The following NPAS3 variants were observed in gnomAD, a reference collection of about 807,000 sequenced individuals.
NPAS3 encodes the protein neuronal PAS domain protein 3, also known as neuronal PAS domain-containing protein 3.
In NPAS3, 14 loss-of-function variants were observed where a neutral mutation model predicts 73.1. The ratio of observed to expected loss-of-function variants is 0.19; its 90% CI spans 0.13 to 0.30. NPAS3 has a LOEUF of 0.30. Ranked by LOEUF, NPAS3 falls within the 10% of genes least tolerant of loss-of-function variation. The pLI is 1.00. For synonymous variants in NPAS3, 620 were observed against 541.5 expected (o/e 1.14, Z -2.01); for missense variants, 1,096 against 1,250.0 (o/e 0.88, Z 1.86).
chr14:33,211,110 G>A (rs1477656633), intron 2 of NPAS3, among the ~76,000 whole-genome samples: 2 of 152,220 alleles, frequency 1.3e-5, no homozygotes, highest in South Asian at 2.1e-4. Flanking sequence ...ATTTAAAAAA[G>A]ACTCATTTAA....
chr14:33,799,311 A>G (rs984512633), intron 11 of NPAS3, among the ~76,000 whole-genome samples: 3 of 152,180 alleles, frequency 2.0e-5, no homozygotes, highest in Non-Finnish European at 2.9e-5. Context: ...CTTGCATGCC[A>G]TCATTTTTCT....
At chr14:33,521,126 G>C (rs531690168) in intron 4 of NPAS3, among the ~76,000 whole-genome samples, 1 of 152,148 alleles carries the variant, frequency 6.6e-6, no homozygotes, top group African/African-American at 2.4e-5. Context: ...TTATATTTGT[G>C]TCTATTAAGT....
chr14:33,570,350 G>A (rs2056152262), intron 5 of NPAS3, among the ~76,000 whole-genome samples: 1 of 152,068 alleles, frequency 6.6e-6, no homozygotes, highest in East Asian at 1.9e-4. Flanking sequence ...AGTTGTCCAG[G>A]GTCACTTCAG....
At chr14:33,283,366 T>C (rs1405850761) in intron 3 of NPAS3, among the ~76,000 whole-genome samples, 2 of 152,252 alleles carry the variant, frequency 1.3e-5, no homozygotes, top group East Asian at 3.8e-4. Context: ...AGAATTTCTA[T>C]GATATAGGCG....
At chr14:33,108,983 G>A (rs2042807545) in intron 2 of NPAS3, among the ~76,000 whole-genome samples, 1 of 152,088 alleles carries the variant, frequency 6.6e-6, no homozygotes, top group Non-Finnish European at 1.5e-5. Context: ...TTTTTTATGT[G>A]TTTGTGAAGA....
intron 2 of NPAS3, among the ~76,000 whole-genome samples, chr14:33,149,087 G>A (rs2044352965): frequency 3.9e-5 from 6 of 152,178 alleles, no homozygotes. Context: ...TTCTGACACA[G>A]TATATAAATA....
At chr14:33,526,829 A>G (rs924662904) in intron 4 of NPAS3, among the ~76,000 whole-genome samples, 2 of 152,088 alleles carry the variant, frequency 1.3e-5, no homozygotes, top group African/African-American at 4.8e-5. Context: ...GCCAGGCAGT[A>G]GGAGGGTTGC....
intron 3 of NPAS3, among the ~76,000 whole-genome samples, chr14:33,318,754 T>C (rs1332277716): frequency 6.6e-6 from 1 of 152,130 alleles, no homozygotes; most frequent in Non-Finnish European, 1.5e-5. Context: ...ACATCCTTAA[T>C]AGTTAAATTA....
chr14:33,305,226 TA>T (rs2042709634), intron 3 of NPAS3, among the ~76,000 whole-genome samples: 1 of 152,108 alleles, frequency 6.6e-6, no homozygotes, highest in Admixed American at 6.5e-5. Context: ...ATAATATAAT[TA>T]TTTTTCACTA....
chr14:33,292,832 T>C (rs1450061406), intron 3 of NPAS3, among the ~76,000 whole-genome samples: 1 of 152,178 alleles, frequency 6.6e-6, no homozygotes, highest in Non-Finnish European at 1.5e-5. Context: ...TCTTGTGGAA[T>C]GTATTTTGTT....
At chr14:33,628,992 G>A (rs547445052) in intron 5 of NPAS3, among the ~76,000 whole-genome samples, 185 of 152,212 alleles carry the variant, frequency 1.2e-3, no homozygotes, top group African/African-American at 4.4e-3. Flanking sequence ...AGCACTTTGG[G>A]AGGCTGAGGC....
chr14:33,196,418 A>G (rs1370127801), intron 2 of NPAS3, among the ~76,000 whole-genome samples: 1 of 152,254 alleles, frequency 6.6e-6, no homozygotes, highest in Non-Finnish European at 1.5e-5. Context: ...GAGGGGAAGC[A>G]AACTCTACTT....
intron 4 of NPAS3, among the ~76,000 whole-genome samples, chr14:33,372,999 A>C (rs1304007080): frequency 6.6e-6 from 1 of 152,140 alleles, no homozygotes; most frequent in Non-Finnish European, 1.5e-5. Context: ...CATGTTATTT[A>C]TTGTTACTTT....
intron 5 of NPAS3, among the ~76,000 whole-genome samples, chr14:33,609,284 G>A (rs745420153): frequency 2.0e-5 from 3 of 152,182 alleles, no homozygotes; most frequent in Non-Finnish European, 2.9e-5. Flanking sequence ...TGTTTTTGCG[G>A]AGGGGTGTTG....
chr14:33,015,545 C>T (rs1269464066), intron 1 of NPAS3, among the ~76,000 whole-genome samples: 2 of 151,368 alleles, frequency 1.3e-5, no homozygotes, highest in Non-Finnish European at 2.9e-5. Context: ...CCAATCTTGT[C>T]CCAAGGATTA....
intron 6 of NPAS3, among the ~76,000 whole-genome samples, chr14:33,721,971 C>T (rs2061126684): frequency 6.6e-6 from 1 of 152,066 alleles, no homozygotes; most frequent in Admixed American, 6.5e-5. Flanking sequence ...AATTGAAGAC[C>T]CCAGAACAAG....
intron 5 of NPAS3, among the ~76,000 whole-genome samples, chr14:33,569,901 A>G (rs1595175947): frequency 6.6e-6 from 1 of 152,196 alleles, no homozygotes; most frequent in Non-Finnish European, 1.5e-5. Context: ...TGCTAGCTCT[A>G]TCTATGGTAA....
At chr14:33,237,666 A>G (rs983319805) in intron 3 of NPAS3, among the ~76,000 whole-genome samples, 1 of 152,076 alleles carries the variant, frequency 6.6e-6, no homozygotes, top group African/African-American at 2.4e-5. Flanking sequence ...AATGGAGGGT[A>G]GTATATAAAG....
chr14:33,025,249 C>A (rs1165325983), intron 1 of NPAS3, among the ~76,000 whole-genome samples: 1 of 152,192 alleles, frequency 6.6e-6, no homozygotes, highest in Non-Finnish European at 1.5e-5. Flanking sequence ...TTGCTACTGA[C>A]TGGTTGTAAG....
Sources: gnomAD v4.1 joint callset for allele counts (sites outside exome capture counted in the v4.1 genomes callset) on GRCh38, gnomAD v4.1.1 for gene constraint, MANE v1.5 for transcripts, NCBI Gene and HGNC (gene_info 2026-07-23, HGNC 2026-07-21) for gene names.